BICRA: variants seen among roughly 807,000 people sequenced by gnomAD.
BICRA encodes BRD4 interacting chromatin remodeling complex associated protein.
Under a neutral mutation model 96.9 loss-of-function variants are expected in BICRA, and 31 were observed. The ratio of observed to expected loss-of-function variants is 0.32; its 90% CI spans 0.24 to 0.43. BICRA has a LOEUF of 0.43. Ranked by LOEUF, BICRA falls within the 20% of genes least tolerant of loss-of-function variation. The probability of loss-of-function intolerance (pLI) is 1.00; values close to 1 mark genes in which losing one functional copy is unlikely to be tolerated. For synonymous variants in BICRA, 1,350 were observed against 1,071.8 expected (o/e 1.26, Z -5.07); for missense variants, 2,283 against 2,190.3 (o/e 1.04, Z -0.84).
rs1406682553 is a variant in BICRA, at chr19:47,694,550, C to G, written c.2719C>G (p.Gln907Glu). 1 of 1,611,258 alleles carries G rather than the reference C, an allele frequency of 6.2e-7. No individual in the cohort carries two copies. Among genetic ancestry groups the G allele is most frequent in the Non-Finnish European group, 8.5e-7 (1 of 1,179,012 alleles). The stretch of plus-strand genomic sequence containing the variant: ...GCCAGCCCCTACGCCATCCGACTTC[C>G]AGCTCCAGTTCCCACCCAGCCAGGG... ...RLPAPTPSDF[Q>E]LQFPPSQGPH... Residue 907 changes from glutamine to glutamate, a missense_variant, in exon 8 of 15, where the codon CAG (glutamine) becomes GAG (glutamate). Transcript: ENST00000594866.
intron 1 of BICRA, among the ~76,000 whole-genome samples, chr19:47,634,060 A>T (rs1972262820): frequency 6.6e-6 from 1 of 152,164 alleles, no homozygotes; most frequent in African/African-American, 2.4e-5. Flanking sequence ...CATACATCCC[A>T]GGCTGCATAC....
intron 1 of BICRA, among the ~76,000 whole-genome samples, chr19:47,630,115 A>G (rs1373179290): frequency 6.7e-6 from 1 of 150,110 alleles, no homozygotes; most frequent in African/African-American, 2.5e-5. Flanking sequence ...CCCTTCCCTC[A>G]GCACCTCGTT....
chr19:47,609,730 C>T (rs998666650), intron 1 of BICRA, among the ~76,000 whole-genome samples: 1 of 152,044 alleles, frequency 6.6e-6, no homozygotes, highest in Non-Finnish European at 1.5e-5. Context: ...ATCTCCCCGC[C>T]TCGCTCGGCC....
At position 47,680,291 on chromosome 19, in the gene BICRA, C is replaced by G. The variant is rs779651964; in HGVS notation, c.1121C>G (p.Ala374Gly). 5.1e-6 allele frequency: 8 copies of G among 1,555,376 alleles called. No individual in the cohort carries two copies. Among genetic ancestry groups the G allele is most frequent in the Admixed American group, 3.7e-5 (2 of 54,052 alleles). Residue 374 changes from alanine to glycine, a missense_variant, in exon 6 of 15, where the codon GCG becomes GGG. Ala to Gly is a moderately conservative substitution (Grantham distance 60). Coordinates refer to ENST00000594866, the MANE Select transcript of BICRA (RefSeq NM_001394372.1). ...CTGACGCCCAAGCCGTTTGCGCCCG[C>G]GGGCGCCACGCTCACCATCCAGGGC... ...YQLTPKPFAPAGATLTIQGEP... is the reference protein window; with the variant it reads ...YQLTPKPFAPGGATLTIQGEP...
intron 1 of BICRA, chr19:47,663,034 A>G (rs2123563097): frequency 6.6e-6 from 1 of 152,344 alleles, no homozygotes; most frequent in South Asian, 2.1e-4. Context: ...GGGAAACCAC[A>G]TAGTGGCTTA....
At chr19:47,677,437 CTGTAA>C (rs1240052999) in intron 5 of BICRA, among the ~76,000 whole-genome samples, 1 of 152,222 alleles carries the variant, frequency 6.6e-6, no homozygotes, top group Non-Finnish European at 1.5e-5. Context: ...TGGCTCACGC[CTGTAA>C]TCCCAGCACT....
chr19:47,658,631 CAAAAA>C (rs3074083), intron 1 of BICRA, among the ~76,000 whole-genome samples: 4 of 97,436 alleles, frequency 4.1e-5, no homozygotes, highest in East Asian at 4.3e-4. Flanking sequence ...GACTTCGTCT[CAAAAA>C]AAAAAAAAAA....
intron 1 of BICRA, among the ~76,000 whole-genome samples, chr19:47,620,464 T>C (rs1972047910): frequency 6.6e-6 from 1 of 151,644 alleles, no homozygotes; most frequent in African/African-American, 2.4e-5. Context: ...GTCGGGAGTT[T>C]GAGACCAGCT....
At chr19:47,692,426 C>T (rs959252346) in intron 7 of BICRA, among the ~76,000 whole-genome samples, 1 of 152,082 alleles carries the variant, frequency 6.6e-6, no homozygotes, top group African/African-American at 2.4e-5. Context: ...GACAGGGTTT[C>T]ATCATATTGA....
Position 47,694,236 on chromosome 19 carries a change from G to T in BICRA, c.2405G>T (p.Arg802Leu), listed in dbSNP as rs748589449. The stretch of plus-strand genomic sequence containing the variant: ...CCACACCCCACCCGGCCCCCTTCCC[G>T]CCCACCCTCCCGGCCACAGAGTGTG... ...PSPHPTRPPSRPPSRPQSVSR... is the reference protein window; with the variant it reads ...PSPHPTRPPSLPPSRPQSVSR... Residue 802 changes from arginine (R) to leucine (L), a missense_variant, in exon 8 of 15, where the codon CGC becomes CTC. Transcript: ENST00000594866. 3.2e-5 allele frequency: 19 copies of T among 586,520 alleles called. No homozygotes were observed. The highest frequency in any genetic ancestry group is 3.9e-5 in the Non-Finnish European group (18 of 460,300). The allele number at this position is 586,520 out of a possible 1,614,324, so 36.3% of individuals were successfully genotyped here.
chr19:47,635,894 T>C (rs1003469158), intron 1 of BICRA, among the ~76,000 whole-genome samples: 1 of 152,220 alleles, frequency 6.6e-6, no homozygotes, highest in African/African-American at 2.4e-5. Flanking sequence ...AACTACAAGT[T>C]GAGCATCCCC....
chr19:47,685,508 G>T (rs1973131005), intron 7 of BICRA, among the ~76,000 whole-genome samples: 2 of 152,188 alleles, frequency 1.3e-5, no homozygotes, highest in African/African-American at 4.8e-5. Context: ...ACGGATGGAT[G>T]GCATGGGTGG....
intron 5 of BICRA, 102 bp from the exon 6 acceptor site, chr19:47,679,219 C>T (rs1169194259): frequency 9.1e-6 from 7 of 765,992 alleles, no homozygotes; most frequent in South Asian, 3.5e-5. Context: ...CTTTCTTGAA[C>T]GTGGCTGCCC....
At chr19:47,625,852 G>C (rs919516271) in intron 1 of BICRA, among the ~76,000 whole-genome samples, 2 of 152,090 alleles carry the variant, frequency 1.3e-5, no homozygotes, top group African/African-American at 4.8e-5. Context: ...CCGTGGGGCT[G>C]TGTGGGGGCC....
At position 47,665,768 on chromosome 19, in the gene BICRA, T is replaced by A. The variant is rs184277696; in HGVS notation, c.-107-4675T>A. Among the ~76,000 whole-genome samples, 789 of 152,338 alleles carry A rather than the reference T, an allele frequency of 5.2e-3. 2 individuals are homozygous for A. Among genetic ancestry groups the A allele is most frequent in the Non-Finnish European group, 8.6e-3 (586 of 68,024 alleles). On this transcript the variant is annotated intron_variant, in intron 1 of 14. Transcript: ENST00000594866. Reference sequence around the variant, plus strand: ...GCAGGTGCCGCAGCGCCCCCAAAACTGCTGTTTTCCATTGCGTTTATCTCA... The same window carrying A: ...GCAGGTGCCGCAGCGCCCCCAAAACAGCTGTTTTCCATTGCGTTTATCTCA...
intron 9 of BICRA, 23 bp from the exon 10 acceptor site, chr19:47,695,342 T>TCGGGGGGCCCCCCCCCCC: frequency 1.3e-5 from 8 of 630,160 alleles, no homozygotes; most frequent in Admixed American, 2.9e-5. Context: ...AGGCCCTGTC[T>TCGGGGGGCCCCCCCCCCC]CCCCCACCCC....
In BICRA at chr19:47,610,617, C is replaced by CCA. The variant is rs1555783200; in HGVS notation, c.-108+1459_-108+1460dup. 1.5e-4 allele frequency among the ~76,000 whole-genome samples: 22 copies of CCA among 146,472 alleles called. 1 individual carries two copies. Among genetic ancestry groups the CCA allele is most frequent in the East Asian group, 8.2e-4 (4 of 4,866 alleles). ...ATCGTCCCCTTTTGTCACCCCCCCCCCACACACACACCTACCTACCCACCC... is the reference window on the plus strand; with the variant it reads ...ATCGTCCCCTTTTGTCACCCCCCCCCCACACACACACACCTACCTACCCACCC... On this transcript the variant is annotated intron_variant, in intron 1 of 14. Transcript: ENST00000594866.
At chr19:47,625,251 C>T (rs1448498596) in intron 1 of BICRA, among the ~76,000 whole-genome samples, 1 of 151,296 alleles carries the variant, frequency 6.6e-6, no homozygotes, top group Non-Finnish European at 1.5e-5. Flanking sequence ...TTGCCCTCCT[C>T]AGCCTCCCAA....
chr19:47,697,736 C>T (rs1385713993), intron 11 of BICRA, among the ~76,000 whole-genome samples: 6 of 152,204 alleles, frequency 3.9e-5, no homozygotes, highest in African/African-American at 1.4e-4. Context: ...TCTCAGCCTC[C>T]CAAAGTGCTG....
Sources: allele counts gnomAD v4.1 joint callset (sites outside exome capture counted in the v4.1 genomes callset), GRCh38; gene constraint gnomAD v4.1.1; transcripts MANE v1.5; gene names NCBI Gene and HGNC (gene_info 2026-07-23, HGNC 2026-07-21).